PUS10: variants seen among roughly 807,000 people sequenced by gnomAD.
The protein encoded by PUS10 is tRNA pseudouridine synthase Pus10.
PUS10 carries 59 observed loss-of-function variants against 75.0 expected under a neutral mutation model. The observed-to-expected ratio is 0.79, with a 90% CI of 0.64 to 0.98. The LOEUF (loss-of-function observed/expected upper bound fraction) is 0.98, where lower values mean the gene tolerates loss of function less well. Among genes scored for constraint, PUS10 ranks in the 50% least tolerant of loss-of-function variants. The pLI is 0.00. For missense variants in PUS10, 650 were observed against 614.4 expected (o/e 1.06, Z -0.61); for synonymous variants, 219 against 211.6 (o/e 1.03, Z -0.30).
At chr2:60,999,765 C>T (rs1486730009) in intron 4 of PUS10, among the ~76,000 whole-genome samples, 1 of 152,170 alleles carries the variant, frequency 6.6e-6, no homozygotes, top group Non-Finnish European at 1.5e-5. Context: ...CACTCTGTAT[C>T]TGTGGATCTT....
chr2:61,012,091 C>T (rs75599146), intron 1 of PUS10, among the ~76,000 whole-genome samples, 186 bp from the exon 2 acceptor site: 60 of 152,030 alleles, frequency 3.9e-4, no homozygotes, highest in African/African-American at 1.2e-3. Flanking sequence ...AAGATGGATC[C>T]GGTAAAGGTT....
intron 3 of PUS10, among the ~76,000 whole-genome samples, chr2:61,008,531 T>C (rs946465043): frequency 3.3e-5 from 5 of 152,020 alleles, no homozygotes; most frequent in African/African-American, 1.2e-4. Context: ...TGGTGGTGCA[T>C]GCCTGTAGTC....
chr2:60,970,594 T>C (rs952564851), intron 5 of PUS10, among the ~76,000 whole-genome samples: 1 of 152,192 alleles, frequency 6.6e-6, no homozygotes, highest in African/African-American at 2.4e-5. Context: ...TGAATATTCA[T>C]ATGTTTTGTT....
At chr2:61,010,942 T>C in intron 2 of PUS10, 1 of 1,528,764 alleles carries the variant, frequency 6.5e-7, no homozygotes, top group South Asian at 1.2e-5. Flanking sequence ...ATTATGAGAA[T>C]TATATAAGAC....
chr2:60,961,650 C>T, intron 9 of PUS10, 102 bp from the exon 10 acceptor site: 2 of 986,176 alleles, frequency 2.0e-6, no homozygotes, highest in Non-Finnish European at 3.2e-6. Flanking sequence ...GAGCCCAAGT[C>T]TCTCTCTAAC....
intron 5 of PUS10, among the ~76,000 whole-genome samples, chr2:60,970,871 C>T (rs1248025680): frequency 2.6e-5 from 4 of 152,066 alleles, no homozygotes; most frequent in Non-Finnish European, 5.9e-5. Context: ...AGTTTAGTTT[C>T]TAAGACCAAT....
At chr2:60,970,261 A>C (rs1676577094) in intron 5 of PUS10, among the ~76,000 whole-genome samples, 1 of 152,212 alleles carries the variant, frequency 6.6e-6, no homozygotes, top group African/African-American at 2.4e-5. Flanking sequence ...AGATCTAACG[A>C]AACCCCCAAA....
rs186888563 is a variant in PUS10, at chr2:60,982,071, T to A, written c.469-10514A>T. Among the ~76,000 whole-genome samples the A allele has an allele frequency of 3.2e-3, 483 of 151,800 alleles. 1 individual carries two copies. Among genetic ancestry groups the A allele is most frequent in the Non-Finnish European group, 4.1e-3 (281 of 67,948 alleles). On this transcript the variant is annotated intron_variant, in intron 4 of 17. Coordinates refer to ENST00000316752, the MANE Select transcript of PUS10 (RefSeq NM_144709.4). ...GACCAATAACTTTTCTTTTTCCATC[T>A]CCATTAAAAAAATAAAAATAATAAA... is the stretch of plus-strand genomic sequence containing the variant.
chr2:60,961,901 C>T (rs1676049103), intron 9 of PUS10, among the ~76,000 whole-genome samples: 1 of 152,220 alleles, frequency 6.6e-6, no homozygotes. Context: ...AACCATTTTG[C>T]TGTCCATGGT....
At position 60,996,596 on chromosome 2, in the gene PUS10, T is replaced by A. The variant is rs999208125; in HGVS notation, c.468+9961A>T. 2.7e-4 allele frequency among the ~76,000 whole-genome samples: 39 copies of A among 143,210 alleles called. No homozygotes were observed. In the East Asian group the frequency reaches 5.2e-3, roughly 19 times the overall value. The allele number at this position is 143,210 out of a possible 152,430, so 94.0% of individuals were successfully genotyped here. A position where few individuals can be genotyped will look rare whatever the true frequency, so the allele number is the denominator to read the frequency against. On this transcript the variant is annotated intron_variant, in intron 4 of 17. Transcript: ENST00000316752. ...CACAAGATGTAGAGATGGTATGGTT[T>A]AAAAAAAAAAAAACTTAAAAAGCAA...
intron 4 of PUS10, among the ~76,000 whole-genome samples, chr2:60,981,523 C>A (rs1158529624): frequency 6.6e-6 from 1 of 152,222 alleles, no homozygotes; most frequent in African/African-American, 2.4e-5. Flanking sequence ...CTCAGGTGAT[C>A]TGCCTGCCTT....
At chr2:61,007,212 TTTG>T (rs981013522) in intron 3 of PUS10, among the ~76,000 whole-genome samples, 2 of 146,842 alleles carry the variant, frequency 1.4e-5, no homozygotes, top group African/African-American at 2.7e-5. Flanking sequence ...AGAGTAGGCT[TTTG>T]TTTTTTTTTT....
rs1181525602 is a variant in PUS10, at chr2:60,940,921, A to G, written c.*1474T>C. 6.6e-6 allele frequency: 1 copy of G among 152,342 alleles called. No homozygotes were observed. The highest frequency in any genetic ancestry group is 1.5e-5 in the Non-Finnish European group (1 of 68,016). 9.4% of individuals were successfully genotyped at this position (152,342 alleles called of 1,614,324 possible). A position where few individuals can be genotyped will look rare whatever the true frequency, so the allele number is the denominator to read the frequency against. ...ATCAAACACATGGTTTCAACGTGGT[A>G]TGAAACTATGTTGGTTCCAACGTGG... is the stretch of plus-strand genomic sequence containing the variant. On this transcript the variant is annotated 3_prime_UTR_variant, in exon 18 of 18. Coordinates refer to ENST00000316752, the MANE Select transcript of PUS10 (RefSeq NM_144709.4).
intron 4 of PUS10, among the ~76,000 whole-genome samples, chr2:60,983,545 G>A (rs1442394381): frequency 6.6e-6 from 1 of 151,874 alleles, no homozygotes; most frequent in Non-Finnish European, 1.5e-5. Flanking sequence ...GCTGAGCATG[G>A]TAGCGCATGT....
intron 4 of PUS10, 85 bp downstream of exon 4, chr2:61,006,472 G>T (rs926693991): frequency 1.0e-6 from 1 of 978,142 alleles, no homozygotes; most frequent in Non-Finnish European, 1.6e-6. Flanking sequence ...ATATAATAGA[G>T]TAAGGAATAT....
intron 2 of PUS10, chr2:61,009,770 T>C (rs1679478482): frequency 6.6e-6 from 1 of 152,312 alleles, no homozygotes; most frequent in Non-Finnish European, 1.5e-5. Flanking sequence ...TATTATGCCA[T>C]TGTTGAAAAA....
chr2:61,008,178 G>C (rs1353812422), intron 3 of PUS10, among the ~76,000 whole-genome samples: 1 of 152,020 alleles, frequency 6.6e-6, no homozygotes, highest in East Asian at 1.9e-4. Context: ...CTTGAGGCCA[G>C]GAGTTCAAGA....
Position 61,015,331 on chromosome 2 carries a change from T to C in PUS10, c.-16+2677A>G, listed in dbSNP as rs529448871. Among the ~76,000 whole-genome samples, 3 of 152,146 alleles carry C rather than the reference T, an allele frequency of 2.0e-5. No homozygotes were observed. In the South Asian group the frequency reaches 6.2e-4, roughly 32 times the overall value. The stretch of plus-strand genomic sequence containing the variant: ...GCCTGGCCAACATGGTAAAACTCCA[T>C]CTCTACTAAAATACAAAAATTAGCC... On this transcript the variant is annotated intron_variant, in intron 1 of 17. Transcript: ENST00000316752.
At chr2:60,988,937 T>C (rs1215868637) in intron 4 of PUS10, among the ~76,000 whole-genome samples, 1 of 151,890 alleles carries the variant, frequency 6.6e-6, no homozygotes, top group Non-Finnish European at 1.5e-5. Flanking sequence ...CCCCACCACC[T>C]GGCCAGGCAT....
Sources: allele counts gnomAD v4.1 joint callset (sites outside exome capture counted in the v4.1 genomes callset), GRCh38; gene constraint gnomAD v4.1.1; transcripts MANE v1.5; gene names NCBI Gene and HGNC (gene_info 2026-07-23, HGNC 2026-07-21).